BORCS5: variants seen among roughly 807,000 people sequenced by gnomAD.
The protein encoded by BORCS5 is BLOC-1 related complex subunit 5.
A neutral mutation model predicts 22.1 loss-of-function variants in BORCS5; 17 were observed. The observed-to-expected ratio is 0.77, with a 90% CI of 0.53 to 1.15. The LOEUF (loss-of-function observed/expected upper bound fraction) is 1.15. BORCS5 is among the 50% of genes most tolerant of loss of function. The probability of loss-of-function intolerance (pLI) is 0.00; values close to 1 mark genes in which losing one functional copy is unlikely to be tolerated. For missense variants in BORCS5, 247 were observed against 253.2 expected (o/e 0.98, Z 0.17); for synonymous variants, 117 against 99.8 (o/e 1.17, Z -1.03).
intron 2 of BORCS5, among the ~76,000 whole-genome samples, chr12:12,420,772 C>T (rs1015338683): frequency 3.9e-5 from 6 of 152,082 alleles, no homozygotes; most frequent in Non-Finnish European, 8.8e-5. Flanking sequence ...ACTTCACATC[C>T]CTTGTAAGTT....
chr12:12,415,102 C>T (rs1175847740), intron 2 of BORCS5, among the ~76,000 whole-genome samples: 2 of 149,760 alleles, frequency 1.3e-5, no homozygotes, highest in Non-Finnish European at 3.0e-5. Context: ...ATATCCCAGA[C>T]GATGGGGGGC....
At chr12:12,453,419 C>A (rs1285499737) in intron 3 of BORCS5, among the ~76,000 whole-genome samples, 1 of 152,160 alleles carries the variant, frequency 6.6e-6, no homozygotes, top group African/African-American at 2.4e-5. Flanking sequence ...GACTCAGCTA[C>A]CACCTTCCTT....
At chr12:12,364,327 G>T (rs1452366692) in intron 2 of BORCS5, among the ~76,000 whole-genome samples, 2 of 152,142 alleles carry the variant, frequency 1.3e-5, no homozygotes, top group Non-Finnish European at 2.9e-5. Flanking sequence ...AGTGAGCCAA[G>T]ATCATGCCAC....
At chr12:12,453,661 A>G (rs536069291) in intron 3 of BORCS5, among the ~76,000 whole-genome samples, 1 of 152,310 alleles carries the variant, frequency 6.6e-6, no homozygotes, top group East Asian at 1.9e-4. Flanking sequence ...ATTTGAATAC[A>G]CTTATTTTAT....
intron 2 of BORCS5, among the ~76,000 whole-genome samples, chr12:12,416,470 G>A (rs1361852635): frequency 6.6e-6 from 1 of 151,680 alleles, no homozygotes; most frequent in African/African-American, 2.4e-5. Flanking sequence ...TTAGAGATGG[G>A]TATCACTCTG....
At chr12:12,444,083 G>A (rs1942737072) in intron 3 of BORCS5, among the ~76,000 whole-genome samples, 1 of 152,232 alleles carries the variant, frequency 6.6e-6, no homozygotes, top group African/African-American at 2.4e-5. Context: ...CATTGCTGCA[G>A]TGCCTAGAAC....
intron 2 of BORCS5, among the ~76,000 whole-genome samples, chr12:12,396,286 G>A (rs1941342024): frequency 6.6e-6 from 1 of 152,218 alleles, no homozygotes; most frequent in Admixed American, 6.5e-5. Context: ...CGTGCCCAGT[G>A]GGAGATTAAT....
At chr12:12,366,583 A>G (rs958601192) in intron 2 of BORCS5, among the ~76,000 whole-genome samples, 6 of 152,346 alleles carry the variant, frequency 3.9e-5, no homozygotes, top group Middle Eastern at 3.4e-3. Flanking sequence ...GTAGCTACAA[A>G]TGGCTGTGAC....
intron 2 of BORCS5, among the ~76,000 whole-genome samples, chr12:12,394,342 A>G (rs531363256): frequency 3.3e-5 from 5 of 151,996 alleles, no homozygotes; most frequent in African/African-American, 1.2e-4. Flanking sequence ...CAAACAAACA[A>G]AAGACAAACC....
chr12:12,404,539 G>C (rs2136077071), intron 2 of BORCS5, among the ~76,000 whole-genome samples: 1 of 152,170 alleles, frequency 6.6e-6, no homozygotes, highest in South Asian at 2.1e-4. Context: ...CCTCTTAAAA[G>C]CCCCACCTCC....
In BORCS5 at chr12:12,394,111, A is replaced by G. The variant is rs141113837; in HGVS notation, c.202+32762A>G. 1.7e-3 allele frequency among the ~76,000 whole-genome samples: 252 copies of G among 151,992 alleles called. 3 individuals are homozygous for G. The East Asian group carries it at 0.042, about 25-fold the overall frequency. On this transcript the variant is annotated intron_variant, in intron 2 of 3. Coordinates refer to ENST00000314565, the MANE Select transcript of BORCS5 (RefSeq NM_058169.6). Reference sequence around the variant, plus strand: ...GAGGCTGAGGTGGGTGGATCACTTGAGGTCAGGAGTTCTAGACTACACTGG... The same window carrying G: ...GAGGCTGAGGTGGGTGGATCACTTGGGGTCAGGAGTTCTAGACTACACTGG...
At chr12:12,447,194 T>G (rs532422789) in intron 3 of BORCS5, among the ~76,000 whole-genome samples, 1 of 152,300 alleles carries the variant, frequency 6.6e-6, no homozygotes, top group Non-Finnish European at 1.5e-5. Context: ...TCCGTGAAAT[T>G]CACATGGCTC....
chr12:12,410,000 A>G (rs1477541406), intron 2 of BORCS5, among the ~76,000 whole-genome samples: 1 of 152,090 alleles, frequency 6.6e-6, no homozygotes, highest in East Asian at 1.9e-4. Context: ...GCATTTTTTC[A>G]TGTGTTTTTT....
chr12:12,357,184 C>T lies in BORCS5; in HGVS notation c.-268C>T, dbSNP rs1042501176. 2.6e-6 allele frequency: 4 copies of T among 1,517,528 alleles called. No homozygotes were observed. Among genetic ancestry groups the T allele is most frequent in the African/African-American group, 2.8e-5 (2 of 72,200 alleles). The allele number at this position is 1,517,528 out of a possible 1,614,324, so 94.0% of individuals were successfully genotyped here. ...AAAGCCAGTGTCATCTGCCGGTTCT[C>T]TTAGGGCTCCCGGAAAGAAGGAGGG... On this transcript the variant is annotated 5_prime_UTR_variant, in exon 1 of 4. Coordinates refer to ENST00000314565, the MANE Select transcript of BORCS5 (RefSeq NM_058169.6).
intron 3 of BORCS5, among the ~76,000 whole-genome samples, chr12:12,464,633 A>T (rs1434821250): frequency 1.3e-5 from 2 of 152,104 alleles, no homozygotes; most frequent in Non-Finnish European, 2.9e-5. Flanking sequence ...AGTGGGGTCC[A>T]TGCTGAGGAA....
chr12:12,390,296 G>T (rs1317783718), intron 2 of BORCS5, among the ~76,000 whole-genome samples: 2 of 152,090 alleles, frequency 1.3e-5, no homozygotes, highest in African/African-American at 4.8e-5. Context: ...TAGAAGGCAA[G>T]TTTGTCTTAG....
chr12:12,410,826 C>T (rs183661210), intron 2 of BORCS5, among the ~76,000 whole-genome samples: 1 of 152,286 alleles, frequency 6.6e-6, no homozygotes, highest in African/African-American at 2.4e-5. Flanking sequence ...GCAGTATGGC[C>T]ATTTTCATGA....
chr12:12,361,590 A>G (rs986613349), intron 2 of BORCS5, among the ~76,000 whole-genome samples: 1 of 152,134 alleles, frequency 6.6e-6, no homozygotes, highest in Admixed American at 6.6e-5. Context: ...TTATCTGTCT[A>G]TATTTCTCTG....
chr12:12,357,494 G>A lies in BORCS5; in HGVS notation c.43G>A (p.Asp15Asn), dbSNP rs779845179. 1.3e-5 allele frequency: 21 copies of A among 1,611,400 alleles called. No individual in the cohort carries two copies. The highest frequency in any genetic ancestry group is 1.8e-5 in the Non-Finnish European group (21 of 1,177,852). ...CTCCGAGGCCGAGAGCCGACCCAAC[G>A]ATCTGAACTCCTCAGGTCGGTGTCC... ...QSSEAESRPNDLNSSVTPSPA... is the reference protein window; with the variant it reads ...QSSEAESRPNNLNSSVTPSPA... The change falls in exon 1 of 4, where the codon GAT (aspartate) becomes AAT (asparagine). Residue 15 changes from aspartate (D) to asparagine (N), a missense_variant. Transcript: ENST00000314565.
Sources: allele counts gnomAD v4.1 joint callset (sites outside exome capture counted in the v4.1 genomes callset), GRCh38; gene constraint gnomAD v4.1.1; transcripts MANE v1.5; gene names NCBI Gene and HGNC (gene_info 2026-07-23, HGNC 2026-07-21).